WASHC3: variants seen among roughly 807,000 people sequenced by gnomAD.
WASHC3 encodes WASH complex subunit 3.
WASHC3 carries 24 observed loss-of-function variants against 26.1 expected under a neutral mutation model. The observed-to-expected ratio is 0.92, with a 90% CI of 0.66 to 1.29. WASHC3 has a LOEUF of 1.29. WASHC3 is among the 50% of genes most tolerant of loss of function. The pLI is 0.00. For synonymous variants in WASHC3, 77 were observed against 75.7 expected (o/e 1.02, Z -0.09); for missense variants, 214 against 229.6 (o/e 0.93, Z 0.44).
chr12:102,052,417 T>C (rs1878428767), intron 2 of WASHC3, among the ~76,000 whole-genome samples: 1 of 151,878 alleles, frequency 6.6e-6, no homozygotes, highest in Admixed American at 6.5e-5. Flanking sequence ...ATCCTGGCAC[T>C]AGGCTGGATC....
intron 6 of WASHC3, among the ~76,000 whole-genome samples, chr12:102,015,651 T>C (rs1876667844): frequency 6.6e-6 from 1 of 152,226 alleles, no homozygotes; most frequent in African/African-American, 2.4e-5. Flanking sequence ...TACTATTTGC[T>C]AGAAAATGTG....
chr12:102,031,523 A>T (rs1339110532), intron 5 of WASHC3, among the ~76,000 whole-genome samples: 1 of 152,224 alleles, frequency 6.6e-6, no homozygotes, highest in African/African-American at 2.4e-5. Context: ...ATTTTTACTT[A>T]AAATTTTCAA....
At chr12:102,017,719 C>A (rs1330347989) in intron 6 of WASHC3, 1 of 387,352 alleles carries the variant, frequency 2.6e-6, no homozygotes, top group African/African-American at 2.2e-5. Flanking sequence ...TACATTTGTA[C>A]CTGCAATGTA....
At chr12:102,016,781 G>T (rs1162720116) in intron 6 of WASHC3, among the ~76,000 whole-genome samples, 1 of 152,084 alleles carries the variant, frequency 6.6e-6, no homozygotes, top group African/African-American at 2.4e-5. Flanking sequence ...ATAGAATAAA[G>T]ATATAAAGAA....
intron 6 of WASHC3, among the ~76,000 whole-genome samples, chr12:102,020,131 C>CTATG (rs1876890610): frequency 6.6e-6 from 1 of 152,178 alleles, no homozygotes; most frequent in Non-Finnish European, 1.5e-5. Flanking sequence ...TTTAAATGAA[C>CTATG]TATGGGTTAT....
chr12:102,034,467 G>A (rs1260131260), intron 5 of WASHC3, among the ~76,000 whole-genome samples: 1 of 152,058 alleles, frequency 6.6e-6, no homozygotes, highest in Non-Finnish European at 1.5e-5. Flanking sequence ...AATGGATATA[G>A]GAAACACAAC....
In WASHC3 at chr12:102,013,150, A is replaced by G. The variant is rs1397219347; in HGVS notation, c.543T>C (p.Thr181=). The change falls in exon 7 of 7, where the codon ACT becomes ACC. Residue 181 remains threonine, a synonymous_variant. Coordinates refer to ENST00000240079, the MANE Select transcript of WASHC3 (RefSeq NM_016053.4). ...ATTCGCTATCTGAACTTTCTTCTAC[A>G]GTTTTCTCACTTTCGCCATCAGGCA... is the stretch of plus-strand genomic sequence containing the variant. ...APVPDGESEK[T]VEESSDSESS... 10 of 1,553,616 alleles carry G rather than the reference A, an allele frequency of 6.4e-6. 1 individual carries two copies. Among genetic ancestry groups the G allele is most frequent in the South Asian group, 2.4e-5 (2 of 84,494 alleles).
chr12:102,025,489 A>T (rs1280318031), intron 6 of WASHC3, among the ~76,000 whole-genome samples: 1 of 151,992 alleles, frequency 6.6e-6, no homozygotes, highest in African/African-American at 2.4e-5. Context: ...ATTAACATAG[A>T]CCCAGAACAG....
At chr12:102,013,956 A>C (rs1329599708) in intron 6 of WASHC3, among the ~76,000 whole-genome samples, 1 of 152,116 alleles carries the variant, frequency 6.6e-6, no homozygotes, top group Non-Finnish European at 1.5e-5. Context: ...TCATTTAATC[A>C]GTGTAGTGGC....
intron 2 of WASHC3, among the ~76,000 whole-genome samples, chr12:102,056,076 T>G (rs141512335): frequency 1.3e-5 from 2 of 152,360 alleles, no homozygotes; most frequent in Non-Finnish European, 2.9e-5. Flanking sequence ...AAGACAACTT[T>G]ATAAACTTTG....
rs73382854 is a variant in WASHC3, at chr12:102,044,085, G to A, written c.324+20C>T. 952 of 1,352,978 alleles carry A rather than the reference G, an allele frequency of 7.0e-4. 7 individuals are homozygous for A. In the African/African-American group the frequency reaches 0.011, roughly 16 times the overall value. The allele number at this position is 1,352,978 out of a possible 1,614,324, so 83.8% of individuals were successfully genotyped here. A position where few individuals can be genotyped will look rare whatever the true frequency, so the allele number is the denominator to read the frequency against. On this transcript the variant is annotated intron_variant, in intron 4 of 6. Transcript: ENST00000240079. ...CAGTTTCAACCAAGAACATCTGCTC[G>A]TTTCTTAGAACTCACTTACCTGTGG...
chr12:102,034,425 T>C (rs188867498), intron 5 of WASHC3, among the ~76,000 whole-genome samples: 1 of 152,282 alleles, frequency 6.6e-6, no homozygotes, highest in Admixed American at 6.5e-5. Flanking sequence ...TGTTATCTGC[T>C]CTTCCAGTTA....
At chr12:102,051,976 C>T (rs1878410777) in intron 2 of WASHC3, among the ~76,000 whole-genome samples, 1 of 152,192 alleles carries the variant, frequency 6.6e-6, no homozygotes, top group African/African-American at 2.4e-5. Context: ...CAATCAGTTA[C>T]AGTCAACCCT....
chr12:102,050,643 G>T, intron 2 of WASHC3: 1 of 436,196 alleles, frequency 2.3e-6, no homozygotes, highest in South Asian at 1.6e-5. Flanking sequence ...ACCCCGTCTC[G>T]GGGGGAAAAG....
chr12:102,049,185 C>T (rs1322092064), intron 2 of WASHC3, among the ~76,000 whole-genome samples: 2 of 152,208 alleles, frequency 1.3e-5, no homozygotes, highest in South Asian at 4.1e-4. Flanking sequence ...AGATGGGTAG[C>T]AGAATCTCTG....
At chr12:102,024,356 T>A (rs1182879228) in intron 6 of WASHC3, among the ~76,000 whole-genome samples, 1 of 152,120 alleles carries the variant, frequency 6.6e-6, no homozygotes, top group Non-Finnish European at 1.5e-5. Context: ...AACCAATCAG[T>A]AGCTACTATA....
intron 5 of WASHC3, among the ~76,000 whole-genome samples, chr12:102,030,993 T>G (rs1054204918): frequency 6.6e-6 from 1 of 152,172 alleles, no homozygotes; most frequent in Non-Finnish European, 1.5e-5. Context: ...GCAGATTTAA[T>G]GTCGTTTCAA....
chr12:102,029,672 G>A (rs994633181), intron 5 of WASHC3, among the ~76,000 whole-genome samples: 4 of 152,118 alleles, frequency 2.6e-5, no homozygotes, highest in Admixed American at 1.3e-4. Flanking sequence ...GACTTTCCTT[G>A]TTTAAAAATA....
chr12:102,048,793 T>C (rs985566258), intron 2 of WASHC3, among the ~76,000 whole-genome samples: 2 of 152,234 alleles, frequency 1.3e-5, no homozygotes, highest in Non-Finnish European at 2.9e-5. Flanking sequence ...TATAACTGGT[T>C]TCTTTTGTAA....
Sources: allele counts gnomAD v4.1 joint callset (sites outside exome capture counted in the v4.1 genomes callset), GRCh38; gene constraint gnomAD v4.1.1; transcripts MANE v1.5; gene names NCBI Gene and HGNC (gene_info 2026-07-23, HGNC 2026-07-21).